CMC1: variants seen among roughly 807,000 people sequenced by gnomAD.
The protein encoded by CMC1 is C-X9-C motif containing 1.
CMC1 carries 14 observed loss-of-function variants against 14.1 expected under a neutral mutation model. That is an observed-to-expected ratio of 0.99 (90% CI 0.66 to 1.55). CMC1 has a LOEUF of 1.55. Ranked by LOEUF, CMC1 falls within the 40% of genes most tolerant of loss-of-function variation. CMC1 has a pLI of 0.00. For missense variants in CMC1, 127 were observed against 123.8 expected (o/e 1.03, Z -0.12); for synonymous variants, 50 against 38.4 (o/e 1.30, Z -1.12).
chr3:28,279,395 G>C (rs558440020), intron 2 of CMC1, among the ~76,000 whole-genome samples: 1 of 152,122 alleles, frequency 6.6e-6, no homozygotes, highest in Non-Finnish European at 1.5e-5. Flanking sequence ...CTTTCTACTC[G>C]TATTACTCAC....
At chr3:28,313,324 G>A (rs368423075) in intron 2 of CMC1, among the ~76,000 whole-genome samples, 3 of 152,034 alleles carry the variant, frequency 2.0e-5, no homozygotes, top group Non-Finnish European at 2.9e-5. Flanking sequence ...CAATCTCTCC[G>A]CATTCCTACT....
At chr3:28,303,849 TA>T (rs1416877721) in intron 2 of CMC1, among the ~76,000 whole-genome samples, 2 of 152,196 alleles carry the variant, frequency 1.3e-5, no homozygotes, top group Non-Finnish European at 2.9e-5. Context: ...GCTGAATGAT[TA>T]TTTTTTACCT....
chr3:28,262,574 G>A (rs1699787077), intron 1 of CMC1, among the ~76,000 whole-genome samples: 1 of 152,048 alleles, frequency 6.6e-6, no homozygotes, highest in Non-Finnish European at 1.5e-5. Context: ...TGGCATGCGT[G>A]TTTTTCCTGG....
chr3:28,309,035 G>A (rs1253026821), intron 2 of CMC1, among the ~76,000 whole-genome samples: 1 of 151,910 alleles, frequency 6.6e-6, no homozygotes, highest in African/African-American at 2.4e-5. Flanking sequence ...ATTGGGTCTA[G>A]TGGACCCTGA....
intron 1 of CMC1, among the ~76,000 whole-genome samples, chr3:28,258,776 A>G (rs1303314186): frequency 1.3e-5 from 2 of 151,298 alleles, no homozygotes; most frequent in Non-Finnish European, 2.9e-5. Flanking sequence ...CCCGCCACCA[A>G]GTCCGGGTCA....
chr3:28,278,124 G>A (rs1700689274), intron 2 of CMC1, among the ~76,000 whole-genome samples: 1 of 102,828 alleles, frequency 9.7e-6, no homozygotes, highest in Non-Finnish European at 2.0e-5. Flanking sequence ...CTGGAGGGGT[G>A]GTAAAAATGG....
chr3:28,315,006 A>C (rs1249727650), intron 2 of CMC1: 2 of 152,122 alleles, frequency 1.3e-5, no homozygotes, highest in African/African-American at 4.8e-5. Flanking sequence ...CACAATACAC[A>C]ATTTATTTTT....
rs144003262 is a variant in CMC1, at chr3:28,286,144, G to A, written c.109+22764G>A. Among the ~76,000 whole-genome samples, 42 of 152,186 alleles carry A rather than the reference G, an allele frequency of 2.8e-4. 2 individuals carry two copies. Among genetic ancestry groups the A allele is most frequent in the South Asian group, 1.2e-3 (6 of 4,828 alleles). Reference sequence around the variant, plus strand: ...CTAATTTTTGAGTTTCATTAAAAAAGGCTGAATCTAAGATATCATTGTTGG... The same window carrying A: ...CTAATTTTTGAGTTTCATTAAAAAAAGCTGAATCTAAGATATCATTGTTGG... On this transcript the variant is annotated intron_variant, in intron 2 of 3. Coordinates refer to ENST00000466830, the MANE Select transcript of CMC1 (RefSeq NM_182523.2).
chr3:28,299,036 GATAA>G (rs903855856), intron 2 of CMC1, among the ~76,000 whole-genome samples: 1 of 152,010 alleles, frequency 6.6e-6, no homozygotes, highest in Non-Finnish European at 1.5e-5. Flanking sequence ...TACTTGAGCT[GATAA>G]ATAGTGAGGT....
intron 1 of CMC1, among the ~76,000 whole-genome samples, chr3:28,258,807 T>G (rs1251364755): frequency 1.3e-5 from 2 of 151,914 alleles, no homozygotes; most frequent in East Asian, 1.9e-4. Context: ...TTTTTTTTAG[T>G]AGAGACAGGG....
chr3:28,307,669 T>A (rs1422622378), intron 2 of CMC1, among the ~76,000 whole-genome samples: 1 of 147,886 alleles, frequency 6.8e-6, no homozygotes, highest in East Asian at 1.9e-4. Flanking sequence ...TTTGCATTCT[T>A]CTAATTCATC....
intron 1 of CMC1, among the ~76,000 whole-genome samples, chr3:28,251,858 A>G (rs1411998060): frequency 6.6e-6 from 1 of 152,194 alleles, no homozygotes; most frequent in South Asian, 2.1e-4. Context: ...TGTATTGCTA[A>G]GAAGGCCACA....
At chr3:28,243,813 C>T (rs780443584) in intron 1 of CMC1, among the ~76,000 whole-genome samples, 1 of 152,200 alleles carries the variant, frequency 6.6e-6, no homozygotes, top group Admixed American at 6.5e-5. Context: ...TTTCCCCCTA[C>T]ACAGACACGT....
At chr3:28,268,092 A>G (rs1700097793) in intron 2 of CMC1, among the ~76,000 whole-genome samples, 2 of 152,186 alleles carry the variant, frequency 1.3e-5, no homozygotes, top group Non-Finnish European at 1.5e-5. Context: ...ATATATGAGT[A>G]TATTATACAG....
At chr3:28,246,036 C>G (rs1698809084) in intron 1 of CMC1, among the ~76,000 whole-genome samples, 1 of 151,876 alleles carries the variant, frequency 6.6e-6, no homozygotes, top group Non-Finnish European at 1.5e-5. Context: ...CTCCTGGGCT[C>G]AAGTAATCTG....
intron 2 of CMC1, among the ~76,000 whole-genome samples, chr3:28,305,417 A>T (rs1188305311): frequency 6.6e-6 from 1 of 152,112 alleles, no homozygotes; most frequent in Non-Finnish European, 1.5e-5. Context: ...TGGTAGAATT[A>T]TTTCTTTTCC....
intron 2 of CMC1, among the ~76,000 whole-genome samples, chr3:28,307,749 A>G (rs141007065): frequency 1.9e-3 from 295 of 152,282 alleles, no homozygotes; most frequent in African/African-American, 6.7e-3. Flanking sequence ...TTCTATTGCT[A>G]TTGTAACAAA....
chr3:28,280,813 A>C (rs1700850254), intron 2 of CMC1, among the ~76,000 whole-genome samples: 1 of 152,348 alleles, frequency 6.6e-6, no homozygotes, highest in East Asian at 1.9e-4. Flanking sequence ...AAGTGTGTTG[A>C]TCAGAGTGAG....
At chr3:28,286,970 C>T (rs1313309412) in intron 2 of CMC1, among the ~76,000 whole-genome samples, 1 of 152,160 alleles carries the variant, frequency 6.6e-6, no homozygotes, top group Admixed American at 6.5e-5. Context: ...TTGTAATATA[C>T]AGACAGTTTA....
Sources: allele counts gnomAD v4.1 joint callset (sites outside exome capture counted in the v4.1 genomes callset), GRCh38; gene constraint gnomAD v4.1.1; transcripts MANE v1.5; gene names NCBI Gene and HGNC (gene_info 2026-07-23, HGNC 2026-07-21).